MDGA2: variants seen among roughly 807,000 people sequenced by gnomAD.
MDGA2 encodes the protein MAM domain containing glycosylphosphatidylinositol anchor 2.
Under a neutral mutation model 117.8 loss-of-function variants are expected in MDGA2, and 40 were observed. That is an observed-to-expected ratio of 0.34 (90% CI 0.26 to 0.44). MDGA2 has a LOEUF of 0.44. MDGA2 is among the 20% of genes least tolerant of loss of function. The pLI is 1.00. For missense variants in MDGA2, 1,123 were observed against 1,250.6 expected (o/e 0.90, Z 1.54); for synonymous variants, 452 against 439.0 (o/e 1.03, Z -0.37).
At chr14:47,288,969 G>A (rs1307495225) in intron 2 of MDGA2, among the ~76,000 whole-genome samples, 1 of 152,072 alleles carries the variant, frequency 6.6e-6, no homozygotes, top group African/African-American at 2.4e-5. Flanking sequence ...AATGTATCAT[G>A]TTTACAACCA....
At chr14:47,279,748 C>A (rs1247580210) in intron 2 of MDGA2, among the ~76,000 whole-genome samples, 1 of 152,018 alleles carries the variant, frequency 6.6e-6, no homozygotes, top group Non-Finnish European at 1.5e-5. Flanking sequence ...CACCCACACA[C>A]CTACCCATTC....
chr14:47,029,739 A>G (rs1045859239), intron 8 of MDGA2, among the ~76,000 whole-genome samples: 1 of 152,246 alleles, frequency 6.6e-6, no homozygotes, highest in Admixed American at 6.5e-5. Context: ...ATATAATTTT[A>G]TAAGTGTAAG....
chr14:47,152,380 C>T (rs1477171070), intron 3 of MDGA2, among the ~76,000 whole-genome samples: 3 of 152,074 alleles, frequency 2.0e-5, no homozygotes, highest in Admixed American at 1.3e-4. Context: ...CTAATGAATG[C>T]TATGCCTAAT....
rs373781052 is a variant in MDGA2 at position 47,656,598 on chromosome 14, A to G, written c.280+17919T>C. 2.6e-5 allele frequency among the ~76,000 whole-genome samples: 4 copies of G among 152,296 alleles called. No individual in the cohort carries two copies. The East Asian group carries it at 7.7e-4, about 29-fold the overall frequency. On this transcript the variant is annotated intron_variant, in intron 1 of 16. Transcript: ENST00000399232. The stretch of plus-strand genomic sequence containing the variant: ...AGCTGATTGTTGGCTGGACGCCTGC[A>G]AAGAGAAGTGACAGAAAATCAGCAA...
chr14:47,484,178 G>C (rs1349967877), intron 1 of MDGA2, among the ~76,000 whole-genome samples: 2 of 151,736 alleles, frequency 1.3e-5, no homozygotes, highest in Non-Finnish European at 2.9e-5. Flanking sequence ...TTTTTACAAA[G>C]TTTTAGCTTT....
chr14:47,037,909 G>A (rs1013614422), intron 7 of MDGA2, among the ~76,000 whole-genome samples: 26 of 152,066 alleles, frequency 1.7e-4, no homozygotes, highest in Admixed American at 1.2e-3. Flanking sequence ...CCAAAACACC[G>A]TCTGTATTAA....
intron 2 of MDGA2, among the ~76,000 whole-genome samples, chr14:47,257,725 G>A (rs753859802): frequency 1.2e-4 from 18 of 152,046 alleles, no homozygotes; most frequent in African/African-American, 1.7e-4. Flanking sequence ...CCCAGAAAGC[G>A]TCACTTGGCC....
At chr14:47,054,114 T>C (rs1321581573) in intron 7 of MDGA2, among the ~76,000 whole-genome samples, 1 of 151,960 alleles carries the variant, frequency 6.6e-6, no homozygotes, top group Non-Finnish European at 1.5e-5. Flanking sequence ...CAGCACCTTA[T>C]CTGATTCCTA....
At chr14:46,965,883 A>G (rs1484730752) in intron 8 of MDGA2, among the ~76,000 whole-genome samples, 3 of 152,180 alleles carry the variant, frequency 2.0e-5, no homozygotes, top group Non-Finnish European at 2.9e-5. Flanking sequence ...ATATATAGGA[A>G]TATTATGAGA....
chr14:47,356,216 T>C (rs368526019), intron 1 of MDGA2, among the ~76,000 whole-genome samples: 7 of 152,308 alleles, frequency 4.6e-5, no homozygotes, highest in African/African-American at 1.7e-4. Context: ...TCAAATTGGT[T>C]TTCAGAAGAA....
intron 1 of MDGA2, among the ~76,000 whole-genome samples, chr14:47,420,656 T>C (rs1459322546): frequency 1.3e-5 from 2 of 152,092 alleles, no homozygotes; most frequent in Non-Finnish European, 2.9e-5. Context: ...TAGGACTCCT[T>C]TTCTCACTGT....
chr14:47,260,474 G>A (rs547741091), intron 2 of MDGA2, among the ~76,000 whole-genome samples: 51 of 152,146 alleles, frequency 3.4e-4, no homozygotes, highest in African/African-American at 1.2e-3. Flanking sequence ...ATAATAAGGT[G>A]TGTCCAGAAG....
intron 1 of MDGA2, among the ~76,000 whole-genome samples, chr14:47,536,468 C>G (rs1256196301): frequency 6.6e-5 from 10 of 152,184 alleles, no homozygotes; most frequent in Admixed American, 6.5e-4. Context: ...ATTGCTGCAG[C>G]AGATGGGAGT....
intron 1 of MDGA2, among the ~76,000 whole-genome samples, chr14:47,314,772 A>T (rs1889753753): frequency 6.6e-6 from 1 of 152,160 alleles, no homozygotes; most frequent in African/African-American, 2.4e-5. Context: ...TGATTGGTAA[A>T]ATTATAAATA....
At chr14:47,459,184 G>C (rs529153988) in intron 1 of MDGA2, among the ~76,000 whole-genome samples, 146 of 151,510 alleles carry the variant, frequency 9.6e-4, no homozygotes, top group South Asian at 2.6e-3. Flanking sequence ...TCTTTGAATT[G>C]TTGACTTACT....
rs542155832 is a variant in MDGA2 at position 47,078,289 on chromosome 14, A to T, written c.1196-16711T>A. On this transcript the variant is annotated intron_variant, in intron 6 of 16. Transcript: ENST00000399232. Reference sequence around the variant, plus strand: ...CCTAGAATAGTTGAAAATATAGTACATGCTCTCCTCCATATATATCAATAT... The same window carrying T: ...CCTAGAATAGTTGAAAATATAGTACTTGCTCTCCTCCATATATATCAATAT... Among the ~76,000 whole-genome samples the T allele has an allele frequency of 6.0e-4, 92 of 152,276 alleles. No homozygotes were observed. In the South Asian group the frequency reaches 0.011, roughly 19 times the overall value.
chr14:47,439,207 T>A (rs564102521), intron 1 of MDGA2, among the ~76,000 whole-genome samples: 1 of 152,100 alleles, frequency 6.6e-6, no homozygotes, highest in Non-Finnish European at 1.5e-5. Context: ...TAGAGATATA[T>A]ATAGCAGGTT....
chr14:46,942,907 T>A (rs956423527), intron 9 of MDGA2, among the ~76,000 whole-genome samples: 2 of 151,784 alleles, frequency 1.3e-5, no homozygotes, highest in Admixed American at 6.6e-5. Flanking sequence ...GTTGGGTAAA[T>A]TAATTTACTT....
chr14:47,277,718 A>C (rs1196116370), intron 2 of MDGA2, among the ~76,000 whole-genome samples: 2 of 152,200 alleles, frequency 1.3e-5, no homozygotes, highest in Non-Finnish European at 2.9e-5. Flanking sequence ...GATAGGGCTA[A>C]GAAATACAGT....
Sources: allele counts gnomAD v4.1 joint callset (sites outside exome capture counted in the v4.1 genomes callset), GRCh38; gene constraint gnomAD v4.1.1; transcripts MANE v1.5; gene names NCBI Gene and HGNC (gene_info 2026-07-23, HGNC 2026-07-21).